The following CADPS variants were observed in gnomAD, a reference collection of about 807,000 sequenced individuals.
CADPS encodes calcium-dependent secretion activator 1.
In CADPS, 57 loss-of-function variants were observed where a neutral mutation model predicts 167.3. The ratio of observed to expected loss-of-function variants is 0.34; its 90% CI spans 0.28 to 0.42. The LOEUF is 0.42. Among genes scored for constraint, CADPS ranks in the 20% least tolerant of loss-of-function variants. CADPS has a pLI of 1.00. For missense variants in CADPS, 1,414 were observed against 1,738.1 expected (o/e 0.81, Z 3.32); for synonymous variants, 676 against 635.3 (o/e 1.06, Z -0.96).
At chr3:62,618,933 T>C (rs1055009827) in intron 6 of CADPS, among the ~76,000 whole-genome samples, 5 of 152,212 alleles carry the variant, frequency 3.3e-5, no homozygotes, top group Non-Finnish European at 1.5e-5. Context: ...TGGATTGTTG[T>C]ATAATAATCT....
intron 13 of CADPS, among the ~76,000 whole-genome samples, chr3:62,531,222 TTCTCTCTC>T (rs10587853): frequency 6.0e-5 from 9 of 150,738 alleles, no homozygotes; most frequent in Non-Finnish European, 1.3e-4. Flanking sequence ...ATAATGCAAC[TTCTCTCTC>T]TCTCTCTCTC....
intron 3 of CADPS, among the ~76,000 whole-genome samples, chr3:62,680,542 G>T (rs1165964149): frequency 6.6e-6 from 1 of 151,856 alleles, no homozygotes; most frequent in East Asian, 1.9e-4. Context: ...CTCTCCATAC[G>T]TTTGTGTCTT....
intron 3 of CADPS, among the ~76,000 whole-genome samples, chr3:62,684,069 C>T (rs2077569748): frequency 6.6e-6 from 1 of 151,942 alleles, no homozygotes. Context: ...ACATGGAGTC[C>T]AAACTTACAG....
chr3:62,592,744 C>A lies in CADPS; in HGVS notation c.1330G>T (p.Gly444Cys). The change falls in exon 7 of 30, where the codon GGC (glycine) becomes TGC (cysteine). Residue 444 changes from glycine to cysteine, a missense_variant. Around this residue, in one of 6 missense-constraint regions of CADPS, gnomAD observed 157 missense variants for 229.4 expected, o/e 0.68. Coordinates refer to ENST00000383710, the MANE Select transcript of CADPS (RefSeq NM_003716.4). The stretch of plus-strand genomic sequence containing the variant: ...GTTGTGGAGAAGTCACCCTGGGTGC[C>A]CCAGCTGCAGACAGAATCAAAGAGG... ...DQAEASKPTW[G>C]TQGDFSTTHA... 6.2e-7 allele frequency: 1 copy of A among 1,612,784 alleles called. No individual in the cohort carries two copies. The highest frequency in any genetic ancestry group is 1.1e-5 in the South Asian group (1 of 91,048).
intron 6 of CADPS, among the ~76,000 whole-genome samples, chr3:62,632,753 T>G (rs1231117283): frequency 6.6e-6 from 1 of 152,018 alleles, no homozygotes; most frequent in East Asian, 1.9e-4. Flanking sequence ...AAATGAAATC[T>G]AGAAGGGGAA....
chr3:62,638,200 G>T (rs907960576), intron 6 of CADPS, among the ~76,000 whole-genome samples: 41 of 151,692 alleles, frequency 2.7e-4, no homozygotes, highest in Admixed American at 2.0e-4. Flanking sequence ...CAGTGCTCTG[G>T]CTCTCAATTT....
chr3:62,585,255 A>C lies in CADPS; in HGVS notation c.1507T>G (p.Cys503Gly). The change falls in exon 8 of 30, where the codon TGC (cysteine) becomes GGC (glycine). Residue 503 changes from cysteine (C) to glycine (G), a missense_variant. By Grantham distance (159) the Cys-to-Gly change is radical. Around this residue, in one of 6 missense-constraint regions of CADPS, gnomAD observed 157 missense variants for 229.4 expected, o/e 0.68. Coordinates refer to ENST00000383710, the MANE Select transcript of CADPS (RefSeq NM_003716.4). ...TTGATTTTGAGATCTTGGTCGGGGCAGTTTTTGGAGACTGTCATTTTGTGC... is the reference window on the plus strand; with the variant it reads ...TTGATTTTGAGATCTTGGTCGGGGCCGTTTTTGGAGACTGTCATTTTGTGC... ...EWHKMTVSKN[C>G]PDQDLKIKLA... 1.2e-6 allele frequency: 2 copies of C among 1,613,900 alleles called. No individual in the cohort carries two copies. The highest frequency in any genetic ancestry group is 1.7e-6 in the Non-Finnish European group (2 of 1,179,854).
chr3:62,748,821 C>T (rs2082092105), intron 3 of CADPS, among the ~76,000 whole-genome samples: 1 of 152,158 alleles, frequency 6.6e-6, no homozygotes, highest in African/African-American at 2.4e-5. Flanking sequence ...GATCCTCCCA[C>T]CTCAGCCTCC....
At chr3:62,794,792 A>AAAAAAAAAAAAAAAAAAAAAG (rs1559654139) in intron 1 of CADPS, among the ~76,000 whole-genome samples, 1 of 147,452 alleles carries the variant, frequency 6.8e-6, no homozygotes, top group African/African-American at 2.7e-5. Context: ...AAAAAAAAAA[A>AAAAAAAAAAAAAAAAAAAAAG]AAAAAAAAAA....
In CADPS at chr3:62,429,393, T is replaced by C. The variant is rs572776502; in HGVS notation, c.3777+8711A>G. ...TCACATTTTGAATAAAAAGAACCTA[T>C]GCAAGATTTAAATTCACTCATTAAA... On this transcript the variant is annotated intron_variant, in intron 28 of 29. Coordinates refer to ENST00000383710, the MANE Select transcript of CADPS (RefSeq NM_003716.4). 7.2e-5 allele frequency among the ~76,000 whole-genome samples: 11 copies of C among 152,332 alleles called. 1 individual carries two copies. The highest frequency in any genetic ancestry group is 2.2e-4 in the African/African-American group (9 of 41,580).
chr3:62,783,283 T>G (rs1054533871), intron 1 of CADPS, among the ~76,000 whole-genome samples: 7 of 142,618 alleles, frequency 4.9e-5, no homozygotes, highest in African/African-American at 1.8e-4. Context: ...GCACCTCAAC[T>G]TTTTTTTTTT....
Position 62,412,991 on chromosome 3 carries a change from G to T in CADPS, c.3778-9806C>A, listed in dbSNP as rs1484822217. On this transcript the variant is annotated intron_variant, in intron 28 of 29. Transcript: ENST00000383710. This position sits in a 1 kb window ranked among gnomAD's most constrained non-coding sequence, Gnocchi z 4.1. The stretch of plus-strand genomic sequence containing the variant: ...ATCCCACTTTTCAATATGGCGGGTG[G>T]TCATCAGTGAGGAGGTGTGATGGTC... 6.6e-6 allele frequency among the ~76,000 whole-genome samples: 1 copy of T among 152,114 alleles called. No homozygotes were observed. The highest frequency in any genetic ancestry group is 2.4e-5 in the African/African-American group (1 of 41,426).
chr3:62,630,581 C>A (rs187419799), intron 6 of CADPS, among the ~76,000 whole-genome samples: 2 of 152,144 alleles, frequency 1.3e-5, no homozygotes, highest in African/African-American at 4.8e-5. Context: ...GGTCTTTGAA[C>A]TGGCTTCAAG....
chr3:62,472,362 A>G (rs1389622478), intron 24 of CADPS, among the ~76,000 whole-genome samples: 1 of 152,234 alleles, frequency 6.6e-6, no homozygotes, highest in Non-Finnish European at 1.5e-5. Context: ...TTATATCTCA[A>G]TTTTAAAAAC....
At chr3:62,808,369 CAA>C (rs1311707442) in intron 1 of CADPS, among the ~76,000 whole-genome samples, 1 of 151,994 alleles carries the variant, frequency 6.6e-6, no homozygotes, top group East Asian at 1.9e-4. Context: ...TAAAAGTGGA[CAA>C]AGAGAGAGAG....
At chr3:62,717,768 T>C (rs902182196) in intron 3 of CADPS, among the ~76,000 whole-genome samples, 3 of 152,172 alleles carry the variant, frequency 2.0e-5, no homozygotes, top group African/African-American at 7.2e-5. Context: ...GAAATCCTAT[T>C]ACCATTCTGC....
intron 1 of CADPS, among the ~76,000 whole-genome samples, chr3:62,851,911 C>T (rs1253054154): frequency 6.6e-6 from 1 of 151,798 alleles, no homozygotes; most frequent in Non-Finnish European, 1.5e-5. Context: ...TTCAGGTACA[C>T]AAATCAGACG....
intron 28 of CADPS, among the ~76,000 whole-genome samples, chr3:62,409,961 T>C (rs981095392): frequency 1.3e-5 from 2 of 152,216 alleles, no homozygotes; most frequent in Admixed American, 6.5e-5. Flanking sequence ...CGGTTCTTCC[T>C]GTGTTGCTTT....
chr3:62,813,219 A>G (rs969090229), intron 1 of CADPS, among the ~76,000 whole-genome samples: 1 of 152,152 alleles, frequency 6.6e-6, no homozygotes, highest in Admixed American at 6.6e-5. Context: ...ACACTATACT[A>G]CAAGCCCACA....
Sources: gnomAD v4.1 joint callset for allele counts (sites outside exome capture counted in the v4.1 genomes callset) on GRCh38, gnomAD v4.1.1 for gene constraint, gnomAD v4.1.1 regional missense constraint, Gnocchi (gnomAD v3.1) non-coding constraint, MANE v1.5 for transcripts, NCBI Gene and HGNC (gene_info 2026-07-23, HGNC 2026-07-21) for gene names.